Variants in ATXN1 observed in about 807,000 individuals in gnomAD.
ATXN1 encodes ataxin 1.
A neutral mutation model predicts 56.4 loss-of-function variants in ATXN1; 8 were observed. That is an observed-to-expected ratio of 0.14 (90% CI 0.08 to 0.26). ATXN1 has a LOEUF of 0.26. ATXN1 is among the 10% of genes least tolerant of loss of function. The probability of loss-of-function intolerance (pLI) is 1.00; values close to 1 mark genes in which losing one functional copy is unlikely to be tolerated. For synonymous variants in ATXN1, 514 were observed against 494.6 expected (o/e 1.04, Z -0.52); for missense variants, 987 against 1,106.5 (o/e 0.89, Z 1.53).
chr6:16,683,140 A>C (rs1277193790), intron 2 of ATXN1, among the ~76,000 whole-genome samples: 3 of 152,228 alleles, frequency 2.0e-5, no homozygotes, highest in Admixed American at 2.0e-4. Flanking sequence ...GTTATTTACC[A>C]AAGAAGATTC....
intron 4 of ATXN1, among the ~76,000 whole-genome samples, chr6:16,554,364 C>T (rs1761973632): frequency 1.3e-5 from 2 of 152,242 alleles, no homozygotes; most frequent in Admixed American, 1.3e-4. Context: ...TGGGCCAGAG[C>T]TCATTTCCTC....
chr6:16,418,893 G>A (rs909573007), intron 6 of ATXN1, among the ~76,000 whole-genome samples: 6 of 151,886 alleles, frequency 4.0e-5, no homozygotes, highest in African/African-American at 1.2e-4. Flanking sequence ...TCAAGCATTC[G>A]CTTGATGTCA....
At chr6:16,622,101 A>G (rs1249864923) in intron 3 of ATXN1, among the ~76,000 whole-genome samples, 2 of 152,238 alleles carry the variant, frequency 1.3e-5, no homozygotes, top group African/African-American at 4.8e-5. Flanking sequence ...CTGGAAATAC[A>G]CAAGTGACAG....
chr6:16,572,563 C>A (rs558010892), intron 4 of ATXN1, among the ~76,000 whole-genome samples: 1 of 152,158 alleles, frequency 6.6e-6, no homozygotes, highest in South Asian at 2.1e-4. Flanking sequence ...TATGGTTATT[C>A]TTGAGTAATA....
At chr6:16,421,338 A>C (rs1759027458) in intron 6 of ATXN1, among the ~76,000 whole-genome samples, 1 of 145,852 alleles carries the variant, frequency 6.9e-6, no homozygotes, top group South Asian at 2.1e-4. Flanking sequence ...TAGAAAGGAC[A>C]CAGGAAAAAA....
intron 3 of ATXN1, among the ~76,000 whole-genome samples, chr6:16,645,040 G>A (rs1763777768): frequency 6.6e-6 from 1 of 152,168 alleles, no homozygotes; most frequent in Admixed American, 6.5e-5. Context: ...ACCTTTGATA[G>A]CTGAAATTGA....
At chr6:16,728,543 C>G (rs192766066) in intron 2 of ATXN1, among the ~76,000 whole-genome samples, 13 of 152,312 alleles carry the variant, frequency 8.5e-5, no homozygotes, top group Non-Finnish European at 8.8e-5. Context: ...CACGCCATCA[C>G]CCATATGCCT....
chr6:16,704,461 C>G (rs992834134), intron 2 of ATXN1, among the ~76,000 whole-genome samples: 9 of 127,862 alleles, frequency 7.0e-5, no homozygotes, highest in Non-Finnish European at 1.3e-4. Context: ...TGCCCAGGGA[C>G]TGCCATAATT....
At chr6:16,545,321 G>C (rs1761794178) in intron 4 of ATXN1, among the ~76,000 whole-genome samples, 1 of 151,974 alleles carries the variant, frequency 6.6e-6, no homozygotes, top group Admixed American at 6.5e-5. Flanking sequence ...GTGGAGGTTT[G>C]AGTCCAGTGA....
intron 6 of ATXN1, among the ~76,000 whole-genome samples, chr6:16,481,958 C>A (rs1315666327): frequency 6.6e-6 from 1 of 151,770 alleles, no homozygotes; most frequent in African/African-American, 2.4e-5. Flanking sequence ...ACAGACAGTG[C>A]AGACTTTTAA....
rs541448855 is a variant in ATXN1 at position 16,311,507 on chromosome 6, T to C, written c.1918-4648A>G. On this transcript the variant is annotated intron_variant, in intron 7 of 7. Coordinates refer to ENST00000436367, the MANE Select transcript of ATXN1 (RefSeq NM_001128164.2). The stretch of plus-strand genomic sequence containing the variant: ...TGTTCCATGGTACAGATAATTGTGA[T>C]GCAGTGTTTGCCTTATAGCCACTCA... Among the ~76,000 whole-genome samples, 26 of 152,382 alleles carry C rather than the reference T, an allele frequency of 1.7e-4. 1 individual carries two copies. The highest frequency in any genetic ancestry group is 1.6e-3 in the Admixed American group (24 of 15,310).
intron 6 of ATXN1, among the ~76,000 whole-genome samples, chr6:16,359,911 T>G (rs1761771924): frequency 6.6e-6 from 1 of 151,606 alleles, no homozygotes; most frequent in Non-Finnish European, 1.5e-5. Context: ...TTTGGGGACT[T>G]GGGAGAAAGG....
At chr6:16,731,334 G>GA (rs1165722936) in intron 2 of ATXN1, among the ~76,000 whole-genome samples, 1 of 150,774 alleles carries the variant, frequency 6.6e-6, no homozygotes, top group African/African-American at 2.4e-5. Flanking sequence ...GCATTCAGGG[G>GA]AAAAAAACAT....
At chr6:16,695,362 T>A (rs547523789) in intron 2 of ATXN1, among the ~76,000 whole-genome samples, 4 of 152,228 alleles carry the variant, frequency 2.6e-5, no homozygotes, top group African/African-American at 9.6e-5. Flanking sequence ...GATGCATGCA[T>A]AAAAATTCCA....
intron 7 of ATXN1, among the ~76,000 whole-genome samples, chr6:16,321,835 G>A (rs986900458): frequency 1.3e-5 from 2 of 152,132 alleles, no homozygotes; most frequent in Non-Finnish European, 2.9e-5. Flanking sequence ...GTTAACCGAC[G>A]CTAATAAATT....
At chr6:16,614,172 G>T (rs1763163364) in intron 3 of ATXN1, among the ~76,000 whole-genome samples, 2 of 151,692 alleles carry the variant, frequency 1.3e-5, no homozygotes, top group South Asian at 2.1e-4. Flanking sequence ...GAATTTCATG[G>T]TTTTTTTGAC....
At chr6:16,742,883 C>G (rs562519109) in intron 2 of ATXN1, among the ~76,000 whole-genome samples, 1 of 152,152 alleles carries the variant, frequency 6.6e-6, no homozygotes, top group African/African-American at 2.4e-5. Context: ...TCTAACCAAC[C>G]AACCTCACTT....
intron 6 of ATXN1, among the ~76,000 whole-genome samples, chr6:16,333,794 C>G (rs1215997239): frequency 1.3e-5 from 2 of 152,190 alleles, no homozygotes; most frequent in African/African-American, 4.8e-5. Context: ...GCTGACTCAC[C>G]AATCTCCTTC....
chr6:16,374,020 G>T (rs748593161), intron 6 of ATXN1, among the ~76,000 whole-genome samples: 1 of 151,698 alleles, frequency 6.6e-6, no homozygotes, highest in Non-Finnish European at 1.5e-5. Context: ...AAAGCACCAC[G>T]GCATAAACCA....
Sources: gnomAD v4.1 joint callset for allele counts (sites outside exome capture counted in the v4.1 genomes callset) on GRCh38, gnomAD v4.1.1 for gene constraint, MANE v1.5 for transcripts, NCBI Gene and HGNC (gene_info 2026-07-23, HGNC 2026-07-21) for gene names.